Variants in EHBP1 observed in about 807,000 individuals in gnomAD.
EHBP1 encodes the protein EH domain-binding protein 1.
Under a neutral mutation model 144.0 loss-of-function variants are expected in EHBP1, and 55 were observed. That is an observed-to-expected ratio of 0.38 (90% CI 0.31 to 0.48). EHBP1 has a LOEUF of 0.48. EHBP1 is among the 20% of genes least tolerant of loss of function. The probability of loss-of-function intolerance (pLI) is 0.98; values close to 1 mark genes in which losing one functional copy is unlikely to be tolerated. For synonymous variants in EHBP1, 469 were observed against 472.7 expected (o/e 0.99, Z 0.10); for missense variants, 1,200 against 1,364.2 (o/e 0.88, Z 1.90).
rs139904300 is a variant in EHBP1 at position 62,770,119 on chromosome 2, C to T, written c.259-1220C>T. Among the ~76,000 whole-genome samples the T allele has an allele frequency of 8.5e-5, 13 of 152,224 alleles. No homozygotes were observed. The East Asian group carries it at 2.3e-3, about 27-fold the overall frequency. ...TGAACATAGGAACTGGCAAAGATTTCATGACAAAGCCACCAAAAGCAATTA... is the reference window on the plus strand; with the variant it reads ...TGAACATAGGAACTGGCAAAGATTTTATGACAAAGCCACCAAAAGCAATTA... On this transcript the variant is annotated intron_variant, in intron 4 of 22. Transcript: ENST00000431489.
At chr2:62,933,690 A>G (rs2056172366) in intron 10 of EHBP1, among the ~76,000 whole-genome samples, 1 of 152,186 alleles carries the variant, frequency 6.6e-6, no homozygotes, top group South Asian at 2.1e-4. Context: ...AAAGAAGCAT[A>G]AAAGTGGGCT....
intron 19 of EHBP1, among the ~76,000 whole-genome samples, chr2:63,008,402 CTTGT>C (rs2060129911): frequency 2.0e-5 from 3 of 151,232 alleles, no homozygotes; most frequent in Non-Finnish European, 4.4e-5. Context: ...AGATTTCAGT[CTTGT>C]TTTTTTCATT....
intron 1 of EHBP1, among the ~76,000 whole-genome samples, chr2:62,700,531 A>G (rs1306809515): frequency 6.6e-6 from 1 of 151,820 alleles, no homozygotes; most frequent in East Asian, 1.9e-4. Context: ...AGCTCCATGG[A>G]TTGTTGCTGG....
At chr2:62,753,361 C>T (rs1372411401) in intron 3 of EHBP1, among the ~76,000 whole-genome samples, 2 of 151,978 alleles carry the variant, frequency 1.3e-5, no homozygotes, top group East Asian at 1.9e-4. Flanking sequence ...GAGTTTCTGC[C>T]GAGAGATCTG....
Position 62,874,415 on chromosome 2 carries a change from A to G in EHBP1, c.1068A>G (p.Leu356=), listed in dbSNP as rs908399544. 4.8e-5 allele frequency: 77 copies of G among 1,613,664 alleles called. No individual in the cohort carries two copies. Among genetic ancestry groups the G allele is most frequent in the African/African-American group, 2.3e-4 (17 of 74,936 alleles). The stretch of plus-strand genomic sequence containing the variant: ...ATTTGGTAAATCCTGTTCAAGAACT[A>G]GAAACTGAAAGGCGAGTGAAAAGAA... ...PNNLVNPVQE[L]ETERRVKRKA... is the part of the protein sequence containing the mutation. The change falls in exon 10 of 23, where the codon CTA becomes CTG. Residue 356 remains leucine, a synonymous_variant. Coordinates refer to ENST00000431489, the MANE Select transcript of EHBP1 (RefSeq NM_001142616.3).
Position 62,688,498 on chromosome 2 carries a change from CCTT to C in EHBP1, c.-296+14418_-296+14420del, listed in dbSNP as rs547579189. ...TTGTATTGGGAACATTCAATATCCT[CCTT>C]CTATTTAAAACTACATGTTATTATT... is the stretch of plus-strand genomic sequence containing the variant. On this transcript the variant is annotated intron_variant, in intron 1 of 22. Transcript: ENST00000405015. 3.7e-3 allele frequency among the ~76,000 whole-genome samples: 563 copies of C among 152,218 alleles called. 4 individuals are homozygous for C. The highest frequency in any genetic ancestry group is 0.013 in the African/African-American group (528 of 41,534).
rs527858224 is a variant in EHBP1 at position 62,754,968 on chromosome 2, C to T, written c.162+7516C>T. Among the ~76,000 whole-genome samples the T allele has an allele frequency of 3.9e-5, 6 of 152,330 alleles. No individual in the cohort carries two copies. The South Asian group carries it at 6.2e-4, about 16-fold the overall frequency. On this transcript the variant is annotated intron_variant, in intron 3 of 22. Coordinates refer to ENST00000431489, the MANE Select transcript of EHBP1 (RefSeq NM_001142616.3). ...GGCAATGCCTTGCCCTGCTTCGGCT[C>T]ATGCTCGATGGGCTGCACCCACTGT...
intron 10 of EHBP1, among the ~76,000 whole-genome samples, chr2:62,936,636 C>A (rs1313290007): frequency 1.3e-5 from 2 of 151,828 alleles, no homozygotes; most frequent in Admixed American, 1.3e-4. Context: ...CCTGTCTCTC[C>A]ATGTCTTGGC....
At chr2:62,831,781 A>T (rs201586096) in intron 7 of EHBP1, among the ~76,000 whole-genome samples, 4 of 152,198 alleles carry the variant, frequency 2.6e-5, no homozygotes, top group Non-Finnish European at 5.9e-5. Context: ...CAATTTACAT[A>T]TTCCTTTTAG....
chr2:62,851,527 A>G (rs1318509146), intron 7 of EHBP1, among the ~76,000 whole-genome samples: 1 of 152,176 alleles, frequency 6.6e-6, no homozygotes, highest in Admixed American at 6.5e-5. Context: ...GTGCTATCTC[A>G]ATGATAATGT....
At chr2:62,676,627 T>C (rs2151720057) in intron 1 of EHBP1, among the ~76,000 whole-genome samples, 1 of 152,288 alleles carries the variant, frequency 6.6e-6, no homozygotes, top group Admixed American at 6.5e-5. Flanking sequence ...ATAAGCTTCA[T>C]TATTTTCGTT....
chr2:62,953,388 T>G (rs2057509015), intron 13 of EHBP1, among the ~76,000 whole-genome samples: 1 of 151,618 alleles, frequency 6.6e-6, no homozygotes, highest in South Asian at 2.1e-4. Context: ...GGTAGCCAAT[T>G]AAAAATCAAG....
At chr2:62,729,416 A>AAT (rs1233299916) in intron 2 of EHBP1, among the ~76,000 whole-genome samples, 278 of 110,648 alleles carry the variant, frequency 2.5e-3, no homozygotes, top group Middle Eastern at 5.9e-3. Flanking sequence ...ATATAATAAT[A>AAT]ATAATATAAT....
At chr2:62,993,413 T>A (rs2059491473) in intron 16 of EHBP1, 117 bp from the exon 17 acceptor site, 1 of 959,604 alleles carries the variant, frequency 1.0e-6, no homozygotes, top group Non-Finnish European at 1.4e-6. Flanking sequence ...AAAATCCTTT[T>A]CTTGCAAAAA....
At chr2:62,976,010 A>C (rs1303788569) in intron 14 of EHBP1, among the ~76,000 whole-genome samples, 5 of 152,164 alleles carry the variant, frequency 3.3e-5, no homozygotes, top group African/African-American at 1.2e-4. Flanking sequence ...TGGAAATACA[A>C]AATAATTCTT....
chr2:62,852,182 G>T (rs1470279514), intron 7 of EHBP1, among the ~76,000 whole-genome samples: 1 of 151,972 alleles, frequency 6.6e-6, no homozygotes, highest in Non-Finnish European at 1.5e-5. Flanking sequence ...TTACTTTTAG[G>T]AACATAAGAT....
At chr2:63,038,902 A>G in intron 21 of EHBP1, 86 bp downstream of exon 21, 1 of 1,313,180 alleles carries the variant, frequency 7.6e-7, no homozygotes, top group Non-Finnish European at 1.1e-6. Flanking sequence ...TGGTCTTACT[A>G]GATCTGGTGT....
chr2:62,731,929 G>C (rs1573014382), intron 2 of EHBP1, among the ~76,000 whole-genome samples: 1 of 151,984 alleles, frequency 6.6e-6, no homozygotes, highest in Admixed American at 6.6e-5. Flanking sequence ...TTTAACTTTT[G>C]TTTGAGAAAG....
chr2:62,972,103 G>A (rs1252446606), intron 14 of EHBP1, among the ~76,000 whole-genome samples: 1 of 152,040 alleles, frequency 6.6e-6, no homozygotes, highest in African/African-American at 2.4e-5. Context: ...CCTTACCTCT[G>A]CAACCCAGTG....
Sources: allele counts gnomAD v4.1 joint callset (sites outside exome capture counted in the v4.1 genomes callset), GRCh38; gene constraint gnomAD v4.1.1; transcripts MANE v1.5; gene names NCBI Gene and HGNC (gene_info 2026-07-23, HGNC 2026-07-21).